XKR6: variants seen among roughly 807,000 people sequenced by gnomAD.
The protein encoded by XKR6 is XK-related protein 6.
In XKR6, 22 loss-of-function variants were observed where a neutral mutation model predicts 56.7. The ratio of observed to expected loss-of-function variants is 0.39; its 90% CI spans 0.28 to 0.55. The LOEUF (loss-of-function observed/expected upper bound fraction) is 0.55, where lower values mean the gene tolerates loss of function less well. Ranked by LOEUF, XKR6 falls within the 20% of genes least tolerant of loss-of-function variation. XKR6 has a pLI of 0.66. For missense variants in XKR6, 852 were observed against 889.0 expected (o/e 0.96, Z 0.53); for synonymous variants, 524 against 387.8 (o/e 1.35, Z -4.13).
intron 1 of XKR6, among the ~76,000 whole-genome samples, chr8:11,047,713 C>T (rs923692350): frequency 2.6e-5 from 4 of 152,142 alleles, no homozygotes; most frequent in South Asian, 2.1e-4. Flanking sequence ...GATGGTTGCA[C>T]AACAGCGCGA....
At chr8:11,008,922 G>A (rs1382508854) in intron 1 of XKR6, among the ~76,000 whole-genome samples, 1 of 152,170 alleles carries the variant, frequency 6.6e-6, no homozygotes, top group Non-Finnish European at 1.5e-5. Context: ...AAGGCTGAGG[G>A]AAATCTCTTG....
At chr8:11,004,466 G>C (rs1293895469) in intron 1 of XKR6, among the ~76,000 whole-genome samples, 1 of 148,362 alleles carries the variant, frequency 6.7e-6, no homozygotes, top group Non-Finnish European at 1.5e-5. Context: ...CACAGTGAGA[G>C]TCCATCTCAA....
At chr8:11,066,335 T>C (rs775256942) in intron 1 of XKR6, among the ~76,000 whole-genome samples, 9 of 152,248 alleles carry the variant, frequency 5.9e-5, no homozygotes, top group East Asian at 1.9e-4. Flanking sequence ...ACCATTTCTA[T>C]TGCATCTTCA....
Position 10,955,549 on chromosome 8 carries a change from T to C in XKR6, c.765-30719A>G, listed in dbSNP as rs533772714. On this transcript the variant is annotated intron_variant, in intron 1 of 2. Coordinates refer to ENST00000416569, the MANE Select transcript of XKR6 (RefSeq NM_173683.4). ...GTCAGATATGGGTCTAAGTGGGTCG[T>C]ATGTATTAACTCATGTAACATTATT... Among the ~76,000 whole-genome samples the C allele has an allele frequency of 2.0e-5, 3 of 152,284 alleles. No individual in the cohort carries two copies. In the South Asian group the frequency reaches 6.2e-4, roughly 32 times the overall value.
At chr8:11,075,693 G>A (rs954268320) in intron 1 of XKR6, among the ~76,000 whole-genome samples, 3 of 152,098 alleles carry the variant, frequency 2.0e-5, no homozygotes, top group African/African-American at 7.2e-5. Flanking sequence ...GACCAGCCTG[G>A]CTAACCCCGC....
intron 1 of XKR6, among the ~76,000 whole-genome samples, chr8:11,038,619 C>G (rs1799207504): frequency 1.3e-5 from 2 of 151,914 alleles, no homozygotes; most frequent in African/African-American, 4.8e-5. Context: ...ACTGCAGCCT[C>G]AAACTACCAG....
chr8:11,087,787 C>G (rs1457070315), intron 1 of XKR6, among the ~76,000 whole-genome samples: 1 of 152,218 alleles, frequency 6.6e-6, no homozygotes, highest in Non-Finnish European at 1.5e-5. Context: ...CATCTGATCT[C>G]ACACGCAAAG....
At chr8:10,979,493 TCA>T in intron 1 of XKR6, among the ~76,000 whole-genome samples, 1 of 151,964 alleles carries the variant, frequency 6.6e-6, no homozygotes, top group East Asian at 1.9e-4. Context: ...CCAGTCCCTT[TCA>T]CAGTCTCTCC....
At chr8:11,105,309 T>A (rs1156411161) in intron 1 of XKR6, 1 of 152,196 alleles carries the variant, frequency 6.6e-6, no homozygotes, top group African/African-American at 2.4e-5. Context: ...GAAAAGGACA[T>A]GAAGGTTTAA....
At chr8:10,917,744 T>C (rs919528020) in intron 2 of XKR6, among the ~76,000 whole-genome samples, 1 of 152,184 alleles carries the variant, frequency 6.6e-6, no homozygotes, top group Admixed American at 6.5e-5. Flanking sequence ...CAGAGAAACA[T>C]GCACCATATT....
intron 2 of XKR6, among the ~76,000 whole-genome samples, chr8:10,905,303 C>T (rs1055187572): frequency 1.3e-5 from 2 of 152,178 alleles, no homozygotes; most frequent in African/African-American, 4.8e-5. Context: ...GGACTGCTTC[C>T]GTGCTTCTCC....
chr8:11,152,406 C>G (rs1000720418), intron 1 of XKR6, among the ~76,000 whole-genome samples: 1 of 152,074 alleles, frequency 6.6e-6, no homozygotes, highest in Non-Finnish European at 1.5e-5. Context: ...AGCGAATATA[C>G]TGAGTGGGAT....
At chr8:10,975,325 C>T (rs1181888655) in intron 1 of XKR6, among the ~76,000 whole-genome samples, 1 of 152,254 alleles carries the variant, frequency 6.6e-6, no homozygotes, top group Non-Finnish European at 1.5e-5. Flanking sequence ...GCAAAGAACA[C>T]AGTGCATTGA....
intron 1 of XKR6, among the ~76,000 whole-genome samples, chr8:11,005,207 C>T (rs1798338150): frequency 3.3e-5 from 5 of 151,936 alleles, no homozygotes; most frequent in Admixed American, 3.3e-4. Context: ...CAGAATGACG[C>T]AAGATTTCAT....
At chr8:11,131,683 G>A (rs1160928722) in intron 1 of XKR6, among the ~76,000 whole-genome samples, 1 of 152,138 alleles carries the variant, frequency 6.6e-6, no homozygotes, top group Non-Finnish European at 1.5e-5. Flanking sequence ...TCTGGTCAAT[G>A]ATGGACCACA....
intron 1 of XKR6, among the ~76,000 whole-genome samples, chr8:11,013,685 G>T (rs568076341): frequency 4.5e-4 from 69 of 152,320 alleles, no homozygotes; most frequent in East Asian, 1.7e-3. Context: ...AATTAGCGGG[G>T]ATGGGAGGGC....
At chr8:11,196,540 A>C (rs1803902255) in intron 1 of XKR6, among the ~76,000 whole-genome samples, 1 of 152,234 alleles carries the variant, frequency 6.6e-6, no homozygotes, top group South Asian at 2.1e-4. Context: ...CTTCCAAGGT[A>C]AAGTCATTTT....
intron 2 of XKR6, among the ~76,000 whole-genome samples, chr8:10,909,667 G>C (rs78044088): frequency 6.6e-6 from 1 of 152,324 alleles, no homozygotes; most frequent in East Asian, 1.9e-4. Context: ...CTCCCACAAT[G>C]CTCTCCAAAC....
chr8:10,975,028 C>T (rs908012627), intron 1 of XKR6, among the ~76,000 whole-genome samples: 1 of 152,174 alleles, frequency 6.6e-6, no homozygotes. Flanking sequence ...CAAATCCCAC[C>T]TCTGCCCCTT....
Sources: gnomAD v4.1 joint callset for allele counts (sites outside exome capture counted in the v4.1 genomes callset) on GRCh38, gnomAD v4.1.1 for gene constraint, MANE v1.5 for transcripts, NCBI Gene and HGNC (gene_info 2026-07-23, HGNC 2026-07-21) for gene names.